Variants in RUNX2 observed in about 807,000 individuals in gnomAD.
RUNX2 encodes runt-related transcription factor 2.
A neutral mutation model predicts 51.7 loss-of-function variants in RUNX2; 10 were observed. That is an observed-to-expected ratio of 0.19 (90% CI 0.12 to 0.33). The LOEUF is 0.33. Ranked by LOEUF, RUNX2 falls within the 10% of genes least tolerant of loss-of-function variation. The pLI is 1.00. For missense variants in RUNX2, 562 were observed against 691.3 expected (o/e 0.81, Z 2.10); for synonymous variants, 276 against 273.6 (o/e 1.01, Z -0.09).
chr6:45,454,072 C>G (rs1374254499), intron 5 of RUNX2, among the ~76,000 whole-genome samples: 1 of 152,128 alleles, frequency 6.6e-6, no homozygotes, highest in Non-Finnish European at 1.5e-5. Flanking sequence ...TGCTTTCATT[C>G]TAGATTGTGT....
intron 5 of RUNX2, among the ~76,000 whole-genome samples, chr6:45,490,211 A>C (rs1241177195): frequency 6.6e-6 from 1 of 152,240 alleles, no homozygotes; most frequent in Non-Finnish European, 1.5e-5. Context: ...CATCTCTAAA[A>C]GTCCTCTAGG....
At chr6:45,410,438 A>G (rs1377717530) in intron 2 of RUNX2, among the ~76,000 whole-genome samples, 2 of 152,266 alleles carry the variant, frequency 1.3e-5, no homozygotes, top group Admixed American at 6.5e-5. Flanking sequence ...AGATTAGTCT[A>G]TCATGATACC....
chr6:45,525,166 C>T (rs1582206261), intron 7 of RUNX2, among the ~76,000 whole-genome samples: 1 of 152,148 alleles, frequency 6.6e-6, no homozygotes, highest in African/African-American at 2.4e-5. Context: ...GAGTTTGGCC[C>T]TCAGAGCAGT....
Position 45,501,179 on chromosome 6 carries a change from C to T in RUNX2, c.859+9065C>T, listed in dbSNP as rs561372193. Among the ~76,000 whole-genome samples the T allele has an allele frequency of 5.9e-5, 9 of 152,308 alleles. No individual in the cohort carries two copies. The East Asian group carries it at 1.7e-3, about 29-fold the overall frequency. ...TGATGCTGCCTCTTGAGAACACAAT[C>T]CGCTAGCTATGCCTGACCAGGTCAG... is the stretch of plus-strand genomic sequence containing the variant. On this transcript the variant is annotated intron_variant, in intron 6 of 8. Coordinates refer to ENST00000647337, the MANE Select transcript of RUNX2 (RefSeq NM_001024630.4).
chr6:45,367,519 T>C (rs975447554), intron 2 of RUNX2, among the ~76,000 whole-genome samples: 2 of 151,878 alleles, frequency 1.3e-5, no homozygotes, highest in Non-Finnish European at 2.9e-5. Context: ...CTTCCCTAAA[T>C]AGTCCTGCAG....
chr6:45,443,812 C>A (rs987227732), intron 5 of RUNX2, among the ~76,000 whole-genome samples: 1 of 152,108 alleles, frequency 6.6e-6, no homozygotes, highest in Non-Finnish European at 1.5e-5. Flanking sequence ...AGCAACATGA[C>A]AAGTCTGTAG....
intron 2 of RUNX2, among the ~76,000 whole-genome samples, chr6:45,396,512 C>T (rs1338743147): frequency 6.6e-6 from 1 of 152,080 alleles, no homozygotes; most frequent in Non-Finnish European, 1.5e-5. Context: ...CCCAAACCGT[C>T]CTCCTGCCTC....
chr6:45,422,230 A>C, intron 2 of RUNX2: 2 of 252,488 alleles, frequency 7.9e-6, no homozygotes, highest in Non-Finnish European at 1.5e-5. Context: ...GCCCCAAGGG[A>C]CCCCATTCCA....
intron 5 of RUNX2, among the ~76,000 whole-genome samples, chr6:45,478,278 A>G (rs1433644649): frequency 6.6e-6 from 1 of 152,242 alleles, no homozygotes; most frequent in Non-Finnish European, 1.5e-5. Context: ...TTCATGAAAC[A>G]TAATAATGCT....
chr6:45,370,860 TTAAG>T (rs773999484), intron 2 of RUNX2, among the ~76,000 whole-genome samples: 4 of 152,090 alleles, frequency 2.6e-5, no homozygotes, highest in Non-Finnish European at 5.9e-5. Context: ...TAGTCTCACA[TTAAG>T]TTTCTATTCC....
intron 5 of RUNX2, among the ~76,000 whole-genome samples, chr6:45,471,882 T>C (rs1049197535): frequency 6.6e-6 from 1 of 152,232 alleles, no homozygotes; most frequent in Admixed American, 6.5e-5. Context: ...GTTTTTCCTT[T>C]GAAGGGCATA....
intron 7 of RUNX2, among the ~76,000 whole-genome samples, chr6:45,515,459 C>A (rs1448523075): frequency 6.6e-6 from 1 of 152,118 alleles, no homozygotes; most frequent in Non-Finnish European, 1.5e-5. Context: ...TATTATGAAG[C>A]TAAAATTGTT....
At chr6:45,352,459 G>A (rs1563005920) in intron 2 of RUNX2, among the ~76,000 whole-genome samples, 1 of 152,038 alleles carries the variant, frequency 6.6e-6, no homozygotes, top group Admixed American at 6.6e-5. Flanking sequence ...AAGGAAAGAA[G>A]GTGAAACATT....
chr6:45,473,354 G>A (rs553012771), intron 5 of RUNX2, among the ~76,000 whole-genome samples: 4 of 152,050 alleles, frequency 2.6e-5, no homozygotes, highest in Non-Finnish European at 4.4e-5. Flanking sequence ...TCGTGTGTAT[G>A]TGCGCGTGTA....
intron 5 of RUNX2, among the ~76,000 whole-genome samples, chr6:45,450,844 A>G (rs534218218): frequency 6.6e-6 from 1 of 152,198 alleles, no homozygotes; most frequent in Non-Finnish European, 1.5e-5. Context: ...AGAGGTTGCA[A>G]AAAAAGTAGA....
At chr6:45,514,655 C>T (rs1451026465) in intron 7 of RUNX2, among the ~76,000 whole-genome samples, 1 of 152,112 alleles carries the variant, frequency 6.6e-6, no homozygotes, top group African/African-American at 2.4e-5. Context: ...CTGGAGGAGC[C>T]GTGACTCACC....
chr6:45,380,751 AT>A (rs1255900164), intron 2 of RUNX2, among the ~76,000 whole-genome samples: 1 of 151,956 alleles, frequency 6.6e-6, no homozygotes, highest in African/African-American at 2.4e-5. Context: ...TAATTTTTGT[AT>A]TTTTAATAGA....
intron 2 of RUNX2, among the ~76,000 whole-genome samples, chr6:45,337,692 TATAATATG>T (rs942229853): frequency 1.3e-5 from 2 of 151,830 alleles, no homozygotes; most frequent in African/African-American, 4.8e-5. Flanking sequence ...TGAATGTATT[TATAATATG>T]ATACACTTCT....
At chr6:45,398,523 G>C (rs2086866985) in intron 2 of RUNX2, among the ~76,000 whole-genome samples, 1 of 152,124 alleles carries the variant, frequency 6.6e-6, no homozygotes, top group South Asian at 2.1e-4. Flanking sequence ...AAATTGGCAA[G>C]TACATACAAT....
Sources: gnomAD v4.1 joint callset for allele counts (sites outside exome capture counted in the v4.1 genomes callset) on GRCh38, gnomAD v4.1.1 for gene constraint, MANE v1.5 for transcripts, NCBI Gene and HGNC (gene_info 2026-07-23, HGNC 2026-07-21) for gene names.